The following RFTN2 variants were observed in gnomAD, a reference collection of about 807,000 sequenced individuals.
RFTN2 encodes raftlin-2.
In RFTN2, 34 loss-of-function variants were observed where a neutral mutation model predicts 52.7. The observed-to-expected ratio is 0.64, with a 90% confidence interval of 0.49 to 0.86. The LOEUF is 0.86. Ranked by LOEUF, RFTN2 falls within the 40% of genes least tolerant of loss-of-function variation. RFTN2 has a pLI of 0.00. For missense variants in RFTN2, 536 were observed against 600.1 expected, an observed-to-expected ratio of 0.89 and a Z score of 1.12; for synonymous variants, 203 against 217.7, an observed-to-expected ratio of 0.93 and a Z score of 0.59.
intron 1 of RFTN2, among the ~76,000 whole-genome samples, chr2:197,655,026 C>CA (rs899607662): frequency 1.3e-5 from 2 of 151,750 alleles, no homozygotes; most frequent in South Asian, 2.1e-4. Context: ...AGCAAACCAA[C>CA]AAAAAAACAA....
chr2:197,623,139 A>G (rs1028492655), intron 5 of RFTN2, among the ~76,000 whole-genome samples: 1 of 152,230 alleles, frequency 6.6e-6, no homozygotes, highest in African/African-American at 2.4e-5. Flanking sequence ...TGCCATAGAT[A>G]GTGATTCCTC....
intron 5 of RFTN2, among the ~76,000 whole-genome samples, chr2:197,626,468 G>A (rs2106225449): frequency 6.6e-6 from 1 of 151,870 alleles, no homozygotes; most frequent in Non-Finnish European, 1.5e-5. Flanking sequence ...GGAGGCTGAG[G>A]TGGGAGGATT....
chr2:197,654,893 A>G (rs1408891054), intron 1 of RFTN2, among the ~76,000 whole-genome samples: 2 of 152,104 alleles, frequency 1.3e-5, no homozygotes, highest in East Asian at 1.9e-4. Flanking sequence ...CTTACTCTGG[A>G]GGCTGAGATA....
chr2:197,656,235 G>T (rs890733176), intron 1 of RFTN2, among the ~76,000 whole-genome samples: 2 of 152,196 alleles, frequency 1.3e-5, no homozygotes, highest in Non-Finnish European at 2.9e-5. Flanking sequence ...ATTAATCTTG[G>T]TTCCTAGAGA....
At chr2:197,630,979 C>T in intron 5 of RFTN2, 32 bp downstream of exon 5, 1 of 1,400,616 alleles carries the variant, frequency 7.1e-7, no homozygotes, top group Non-Finnish European at 1.0e-6. Flanking sequence ...TCAAATTCCT[C>T]AGATATAAAA....
At chr2:197,584,336 G>T (rs2087562781) in intron 8 of RFTN2, among the ~76,000 whole-genome samples, 1 of 152,122 alleles carries the variant, frequency 6.6e-6, no homozygotes, top group Admixed American at 6.6e-5. Flanking sequence ...GTGTGAGATG[G>T]TATCTCATTG....
rs963986025 is a variant in RFTN2 at position 197,648,882 on chromosome 2, G to A, written c.140-2216C>T. ...AATTATTCCTTCCTCTGGGCTGCAT[G>A]TCCTTCTATTAGTGTGCTTATCAGA... On this transcript the variant is annotated intron_variant, in intron 1 of 8. Transcript: ENST00000295049. Among the ~76,000 whole-genome samples, 6 of 152,234 alleles carry A rather than the reference G, an allele frequency of 3.9e-5. No homozygotes were observed. In the East Asian group the frequency reaches 7.7e-4, roughly 20 times the overall value.
At chr2:197,661,440 G>T (rs1574751238) in intron 1 of RFTN2, among the ~76,000 whole-genome samples, 1 of 151,780 alleles carries the variant, frequency 6.6e-6, no homozygotes, top group East Asian at 1.9e-4. Flanking sequence ...TAGAGATGAG[G>T]TCTCACAATG....
chr2:197,619,925 T>C (rs1169706620), intron 5 of RFTN2, among the ~76,000 whole-genome samples: 1 of 148,152 alleles, frequency 6.7e-6, no homozygotes, highest in African/African-American at 2.5e-5. Flanking sequence ...AAAACTACAA[T>C]AGCAAAAACA....
rs962357831 is a variant in RFTN2, at chr2:197,570,831, T to A, written c.*1177A>T. On this transcript the variant is annotated 3_prime_UTR_variant, in exon 9 of 9. Coordinates refer to ENST00000295049, the MANE Select transcript of RFTN2 (RefSeq NM_144629.3). The stretch of plus-strand genomic sequence containing the variant: ...AAATGATGTTTTATTATTAAAATGA[T>A]CTTACAATGTCAACATCAATGTTAA... 1 of 152,256 alleles carries A rather than the reference T, an allele frequency of 6.6e-6. No individual in the cohort carries two copies. The highest frequency in any genetic ancestry group is 2.4e-5 in the African/African-American group (1 of 41,476). 9.4% of individuals were successfully genotyped at this position (152,256 alleles called of 1,614,324 possible).
At chr2:197,666,242 G>A (rs1456724334) in intron 1 of RFTN2, among the ~76,000 whole-genome samples, 1 of 152,090 alleles carries the variant, frequency 6.6e-6, no homozygotes, top group Non-Finnish European at 1.5e-5. Flanking sequence ...TTGCCACCAT[G>A]CCTAGCTAAT....
chr2:197,580,582 G>T (rs1293013500), intron 8 of RFTN2, among the ~76,000 whole-genome samples: 1 of 152,226 alleles, frequency 6.6e-6, no homozygotes, highest in Non-Finnish European at 1.5e-5. Context: ...CAGCTTAAAG[G>T]CTGAAGGCTG....
chr2:197,633,527 C>A (rs2088499396), intron 4 of RFTN2, among the ~76,000 whole-genome samples, 191 bp downstream of exon 4: 1 of 152,050 alleles, frequency 6.6e-6, no homozygotes, highest in African/African-American at 2.4e-5. Context: ...CTGCCAGAGA[C>A]AACTGTCTAA....
intron 7 of RFTN2, among the ~76,000 whole-genome samples, chr2:197,613,732 C>G (rs2088099848): frequency 6.6e-6 from 1 of 152,212 alleles, no homozygotes; most frequent in South Asian, 2.1e-4. Flanking sequence ...TCCTATATTT[C>G]CTGTGTTGCA....
chr2:197,576,051 T>C (rs1393973071), intron 8 of RFTN2, among the ~76,000 whole-genome samples: 1 of 151,704 alleles, frequency 6.6e-6, no homozygotes, highest in African/African-American at 2.4e-5. Flanking sequence ...TTCTGTTGTC[T>C]AGGCTGGAGT....
At chr2:197,610,672 G>A (rs1385251253) in intron 7 of RFTN2, among the ~76,000 whole-genome samples, 1 of 152,120 alleles carries the variant, frequency 6.6e-6, no homozygotes, top group Non-Finnish European at 1.5e-5. Flanking sequence ...GGTGAGAGAG[G>A]GCATCCTTGT....
chr2:197,590,307 A>G (rs914478986), intron 8 of RFTN2, among the ~76,000 whole-genome samples: 1 of 152,212 alleles, frequency 6.6e-6, no homozygotes, highest in African/African-American at 2.4e-5. Context: ...AATAGCTTAG[A>G]GAAAACTGAG....
intron 2 of RFTN2, among the ~76,000 whole-genome samples, chr2:197,645,532 A>T (rs929297805): frequency 6.6e-6 from 1 of 152,244 alleles, no homozygotes; most frequent in African/African-American, 2.4e-5. Context: ...AATTGGAAAG[A>T]ACAACAGTAT....
At chr2:197,662,191 A>T (rs188504548) in intron 1 of RFTN2, among the ~76,000 whole-genome samples, 29 of 152,268 alleles carry the variant, frequency 1.9e-4, no homozygotes, top group African/African-American at 7.0e-4. Flanking sequence ...GGTCTTAGCC[A>T]TAAAATCTTT....
Sources: allele counts gnomAD v4.1 joint callset (sites outside exome capture counted in the v4.1 genomes callset), GRCh38; gene constraint gnomAD v4.1.1; transcripts MANE v1.5; gene names NCBI Gene and HGNC (gene_info 2026-07-23, HGNC 2026-07-21).